The following LPCAT1 variants were observed in gnomAD, a reference collection of about 807,000 sequenced individuals.
LPCAT1 encodes the protein 1-acylglycerol-3-phosphate O-acyltransferase.
In LPCAT1, 23 loss-of-function variants were observed where a neutral mutation model predicts 60.9. That is an observed-to-expected ratio of 0.38 (90% CI 0.27 to 0.53). The LOEUF is 0.53. Ranked by LOEUF, LPCAT1 falls within the 20% of genes least tolerant of loss-of-function variation. The pLI, the probability that LPCAT1 is intolerant of heterozygous loss-of-function variation, is 0.82. For synonymous variants in LPCAT1, 340 were observed against 301.1 expected (o/e 1.13, Z -1.34); for missense variants, 622 against 723.6 (o/e 0.86, Z 1.61).
intron 1 of LPCAT1, among the ~76,000 whole-genome samples, chr5:1,519,238 T>G (rs189202188): frequency 4.6e-5 from 7 of 152,390 alleles, no homozygotes; most frequent in Admixed American, 4.6e-4. Flanking sequence ...CGTGAGCTTC[T>G]GTGTGTATGT....
Position 1,521,793 on chromosome 5 carries a change from AC to A in LPCAT1, c.135+1916del, listed in dbSNP as rs1736685960. Among the ~76,000 whole-genome samples, 1 of 151,166 alleles carries A rather than the reference AC, an allele frequency of 6.6e-6. No individual in the cohort carries two copies. The highest frequency in any genetic ancestry group is 1.5e-5 in the Non-Finnish European group (1 of 67,806). On this transcript the variant is annotated intron_variant, in intron 1 of 13. Coordinates refer to ENST00000283415, the MANE Select transcript of LPCAT1 (RefSeq NM_024830.5). This position sits in a 1 kb window ranked among gnomAD's most constrained non-coding sequence, Gnocchi z 4.3. Reference sequence around the variant, plus strand: ...TCTCGGGACCAGGAGCCTCTCGATGACCCCCTGCCCAAGAGCCACTGGGAGC... The same window carrying A: ...TCTCGGGACCAGGAGCCTCTCGATGACCCCTGCCCAAGAGCCACTGGGAGC...
rs1410775038 is a variant in LPCAT1 at position 1,523,087 on chromosome 5, C to T, written c.135+623G>A. 6.6e-6 allele frequency among the ~76,000 whole-genome samples: 1 copy of T among 152,258 alleles called. No individual in the cohort carries two copies. The highest frequency in any genetic ancestry group is 6.5e-5 in the Admixed American group (1 of 15,294). On this transcript the variant is annotated intron_variant, in intron 1 of 13. Coordinates refer to ENST00000283415, the MANE Select transcript of LPCAT1 (RefSeq NM_024830.5). The surrounding 1 kb of genome is among the most constrained non-coding windows in gnomAD (Gnocchi z 7.1). ...GGAGCGAAGCATGCACCCCAGAAGG[C>T]AACGTGCGGCCGCAGAGCAGGGAGA...
At chr5:1,467,868 C>G (rs1197929953) in intron 12 of LPCAT1, among the ~76,000 whole-genome samples, 2 of 152,126 alleles carry the variant, frequency 1.3e-5, no homozygotes, top group African/African-American at 2.4e-5. Context: ...GCACCATCCC[C>G]CGCCGCCCTC....
At chr5:1,469,013 TGCA>T (rs1734559464) in intron 12 of LPCAT1, among the ~76,000 whole-genome samples, 1 of 152,186 alleles carries the variant, frequency 6.6e-6, no homozygotes, top group African/African-American at 2.4e-5. Flanking sequence ...AGGTATAGGC[TGCA>T]GAAAGGGACA....
rs143707202 is a variant in LPCAT1 at position 1,482,318 on chromosome 5, G to C, written c.726+1110C>G. On this transcript the variant is annotated intron_variant, in intron 6 of 13. Transcript: ENST00000283415. ...TAAGTGGGGAGGGCCGATGGAACCG[G>C]AAGTATTCTGAGCATCCAAGAGCAC... Among the ~76,000 whole-genome samples the C allele has an allele frequency of 6.9e-3, 1,001 of 145,898 alleles. 10 individuals carry two copies. The highest frequency in any genetic ancestry group is 0.024 in the African/African-American group (934 of 39,526).
rs567052678 is a variant in LPCAT1 at position 1,489,742 on chromosome 5, T to C, written c.606+4A>G. 4 of 1,595,256 alleles carry C rather than the reference T, an allele frequency of 2.5e-6. No individual in the cohort carries two copies. In the East Asian group the frequency reaches 8.9e-5, roughly 36 times the overall value. On this transcript the variant is annotated splice_donor_region_variant and intron_variant, in intron 4 of 13. Coordinates refer to ENST00000283415, the MANE Select transcript of LPCAT1 (RefSeq NM_024830.5). ...TGAAACACAATCAGGGCTACGTGCATTACCTGTGGCCACTTTCCGTTGGAC... is the reference window on the plus strand; with the variant it reads ...TGAAACACAATCAGGGCTACGTGCACTACCTGTGGCCACTTTCCGTTGGAC...
Position 1,520,932 on chromosome 5 carries a change from T to C in LPCAT1, c.135+2778A>G, listed in dbSNP as rs143678404. ...TGGGGAAAACGCATCAGAACCATAGTGGGAAATACTCATACCCACAGATTC... is the reference window on the plus strand; with the variant it reads ...TGGGGAAAACGCATCAGAACCATAGCGGGAAATACTCATACCCACAGATTC... On this transcript the variant is annotated intron_variant, in intron 1 of 13. Coordinates refer to ENST00000283415, the MANE Select transcript of LPCAT1 (RefSeq NM_024830.5). Among the ~76,000 whole-genome samples the C allele has an allele frequency of 3.5e-3, 484 of 139,862 alleles. 2 individuals carry two copies. The highest frequency in any genetic ancestry group is 0.012 in the African/African-American group (446 of 37,648). 91.8% of individuals were successfully genotyped at this position (139,862 alleles called of 152,430 possible). A position where few individuals can be genotyped will look rare whatever the true frequency, so the allele number is the denominator to read the frequency against.
At chr5:1,466,708 G>A (rs942266760) in intron 13 of LPCAT1, 41 bp downstream of exon 13, 6 of 1,581,980 alleles carry the variant, frequency 3.8e-6, no homozygotes, top group East Asian at 4.6e-5. Flanking sequence ...TCCAGCCCCC[G>A]CCCAAGGGTC....
rs1560958155 is a variant in LPCAT1, at chr5:1,476,214, G to A, written c.899+1190C>T. Among the ~76,000 whole-genome samples, 1 of 152,184 alleles carries A rather than the reference G, an allele frequency of 6.6e-6. No individual in the cohort carries two copies. The highest frequency in any genetic ancestry group is 2.4e-5 in the African/African-American group (1 of 41,456). ...TCCCCAAAAGTAGCCAGTATTGGCAGCAGTCCGGAGCACAGGTGCTGGGCT... is the reference window on the plus strand; with the variant it reads ...TCCCCAAAAGTAGCCAGTATTGGCAACAGTCCGGAGCACAGGTGCTGGGCT... On this transcript the variant is annotated intron_variant, in intron 9 of 13. Transcript: ENST00000283415. The surrounding 1 kb of genome is among the most constrained non-coding windows in gnomAD (Gnocchi z 8.6).
rs1735090928 is a variant in LPCAT1 at position 1,480,409 on chromosome 5, G to T, written c.761+533C>A. The T allele has an allele frequency of 1.0e-6, 1 of 984,238 alleles. No individual in the cohort carries two copies. The highest frequency in any genetic ancestry group is 1.7e-5 in the African/African-American group (1 of 57,192). 61.0% of individuals were successfully genotyped at this position (984,238 alleles called of 1,614,324 possible). The stretch of plus-strand genomic sequence containing the variant: ...CCTCTGCCCTCCCGACGTCAGCTCA[G>T]ACGTCAGCACCCAGGAGGCCCTGAC... On this transcript the variant is annotated intron_variant, in intron 7 of 13. Coordinates refer to ENST00000283415, the MANE Select transcript of LPCAT1 (RefSeq NM_024830.5). This position sits in a 1 kb window ranked among gnomAD's most constrained non-coding sequence, Gnocchi z 6.4.
Position 1,521,598 on chromosome 5 carries a change from A to T in LPCAT1, c.135+2112T>A. On this transcript the variant is annotated intron_variant, in intron 1 of 13. Transcript: ENST00000283415. This position sits in a 1 kb window ranked among gnomAD's most constrained non-coding sequence, Gnocchi z 4.3. ...TACAAACTAAACCCTTGAGCCACAC[A>T]TTGCAGACATCCAGCAGAAACGACT... is the stretch of plus-strand genomic sequence containing the variant. 8 of 392,156 alleles carry T rather than the reference A, an allele frequency of 2.0e-5. No individual in the cohort carries two copies. Among genetic ancestry groups the T allele is most frequent in the Admixed American group, 6.4e-5 (1 of 15,568 alleles). 24.3% of individuals were successfully genotyped at this position (392,156 alleles called of 1,614,324 possible).
At chr5:1,515,230 A>C (rs1267007291) in intron 1 of LPCAT1, among the ~76,000 whole-genome samples, 1 of 114,016 alleles carries the variant, frequency 8.8e-6, no homozygotes, top group Non-Finnish European at 1.8e-5. Flanking sequence ...GGCCCTTCCT[A>C]CTCCGAACTG....
intron 13 of LPCAT1, among the ~76,000 whole-genome samples, chr5:1,464,855 C>T (rs7721946): frequency 6.7e-6 from 1 of 150,122 alleles, no homozygotes; most frequent in Admixed American, 6.6e-5. Context: ...TGTGTGCACA[C>T]ACAGTAAACA....
At chr5:1,520,807 G>A (rs1385982711) in intron 1 of LPCAT1, among the ~76,000 whole-genome samples, 2 of 146,104 alleles carry the variant, frequency 1.4e-5, no homozygotes, top group Admixed American at 1.4e-4. Flanking sequence ...AGCTTGTAGT[G>A]AGCCGATATC....
In LPCAT1 at chr5:1,477,266, C is replaced by A. The variant is rs2126511946; in HGVS notation, c.899+138G>T. 1 of 688,122 alleles carries A rather than the reference C, an allele frequency of 1.5e-6. No individual in the cohort carries two copies. Among genetic ancestry groups the A allele is most frequent in the Non-Finnish European group, 2.5e-6 (1 of 397,998 alleles). The allele number at this position is 688,122 out of a possible 1,614,324, so 42.6% of individuals were successfully genotyped here. On this transcript the variant is annotated intron_variant, in intron 9 of 13. Coordinates refer to ENST00000283415, the MANE Select transcript of LPCAT1 (RefSeq NM_024830.5). This position sits in a 1 kb window ranked among gnomAD's most constrained non-coding sequence, Gnocchi z 6.0. ...ACAGCACAAGGCCAAGCACGCTTCA[C>A]CAACATGCATGAAGCTGGTTCCCGC...
chr5:1,466,599 C>T (rs1734415395), intron 13 of LPCAT1, 150 bp downstream of exon 13: 1 of 796,950 alleles, frequency 1.3e-6, no homozygotes, highest in Non-Finnish European at 1.8e-6. Context: ...CCTTCCTTCT[C>T]AGGGGTTTCT....
chr5:1,467,404 G>A (rs1734463657), intron 12 of LPCAT1: 1 of 152,692 alleles, frequency 6.5e-6, no homozygotes, highest in African/African-American at 2.4e-5. Flanking sequence ...AGGGCCGGGA[G>A]GGCTCCAGCG....
In LPCAT1 at chr5:1,480,751, C is replaced by T. The variant is rs998416949; in HGVS notation, c.761+191G>A. Among the ~76,000 whole-genome samples the T allele has an allele frequency of 2.0e-5, 3 of 152,210 alleles. No homozygotes were observed. Among genetic ancestry groups the T allele is most frequent in the Non-Finnish European group, 4.4e-5 (3 of 68,042 alleles). On this transcript the variant is annotated intron_variant, in intron 7 of 13. Coordinates refer to ENST00000283415, the MANE Select transcript of LPCAT1 (RefSeq NM_024830.5). The surrounding 1 kb of genome is among the most constrained non-coding windows in gnomAD (Gnocchi z 6.4). ...GGTACTGAAGACGTGCAACTTAAGA[C>T]CCCAGAATCCAGGAGTGTCAGGCCT...
intron 2 of LPCAT1, among the ~76,000 whole-genome samples, chr5:1,499,499 T>G (rs1477919436): frequency 6.6e-6 from 1 of 152,236 alleles, no homozygotes; most frequent in Non-Finnish European, 1.5e-5. Flanking sequence ...CTTTGCTTGG[T>G]TATATATTTG....
Sources: gnomAD v4.1 joint callset for allele counts (sites outside exome capture counted in the v4.1 genomes callset) on GRCh38, gnomAD v4.1.1 for gene constraint, Gnocchi (gnomAD v3.1) non-coding constraint, MANE v1.5 for transcripts, NCBI Gene and HGNC (gene_info 2026-07-23, HGNC 2026-07-21) for gene names.